TULP4: variants seen among roughly 807,000 people sequenced by gnomAD.
TULP4 encodes tubby-related protein 4.
A neutral mutation model predicts 129.0 loss-of-function variants in TULP4; 16 were observed. The observed-to-expected ratio is 0.12, with a 90% CI of 0.08 to 0.19. The LOEUF (loss-of-function observed/expected upper bound fraction) is 0.19, where lower values mean the gene tolerates loss of function less well. Ranked by LOEUF, TULP4 falls within the 10% of genes least tolerant of loss-of-function variation. The pLI is 1.00. For synonymous variants in TULP4, 998 were observed against 854.0 expected (o/e 1.17, Z -2.94); for missense variants, 1,842 against 2,059.1 (o/e 0.89, Z 2.04).
upstream of TULP4, among the ~76,000 whole-genome samples, chr6:158,278,204 G>T (rs940360462): frequency 6.6e-6 from 1 of 152,192 alleles, no homozygotes; most frequent in African/African-American, 2.4e-5. Flanking sequence ...AAAGTGTAAG[G>T]TCTGTGTTTT....
Position 158,413,183 on chromosome 6 carries a change from G to A in TULP4, c.371G>A (p.Arg124His). 6 of 1,612,346 alleles carry A rather than the reference G, an allele frequency of 3.7e-6. No homozygotes were observed. The highest frequency in any genetic ancestry group is 2.2e-5 in the East Asian group (1 of 44,854). ...TGGTCTGTGGAGCTGGTCAACGACC[G>A]CGGGGCGCAGGTGAGTGGCAGGCGC... ...GRWSVELVNDRGAQVSDFTWS... is the reference protein window; with the variant it reads ...GRWSVELVNDHGAQVSDFTWS... The change falls in exon 2 of 14, where the codon CGC becomes CAC. Residue 124 changes from arginine (R) to histidine (H), a missense_variant. Transcript: ENST00000367097. The surrounding 1 kb of genome is among the most constrained non-coding windows in gnomAD (Gnocchi z 4.9).
intron 1 of TULP4, among the ~76,000 whole-genome samples, chr6:158,409,366 T>G (rs1483457409): frequency 6.6e-6 from 1 of 152,226 alleles, no homozygotes; most frequent in Non-Finnish European, 1.5e-5. Context: ...AACTAACCCT[T>G]TCCTCTGACT....
rs1281913146 is a variant in TULP4 at position 158,240,366 on chromosome 6, C to T, written n.68+8063C>T. 1.8e-3 allele frequency among the ~76,000 whole-genome samples: 132 copies of T among 73,546 alleles called. 2 individuals are homozygous for T. Among genetic ancestry groups the T allele is most frequent in the Non-Finnish European group, 2.4e-3 (80 of 33,006 alleles). 48.2% of individuals were successfully genotyped at this position (73,546 alleles called of 152,430 possible). A position where few individuals can be genotyped will look rare whatever the true frequency, so the allele number is the denominator to read the frequency against. On this transcript the variant is annotated intron_variant and non_coding_transcript_variant, in intron 1 of 1. Coordinates refer to the TULP4 transcript ENST00000620026. ...GGGGCTGACTCCCCCACCTCCCTCC[C>T]GGACCGGGCGGCTGGCCGGGCAGAG...
At chr6:158,461,872 A>G in intron 6 of TULP4, 143 bp downstream of exon 6, 1 of 990,628 alleles carries the variant, frequency 1.0e-6, no homozygotes, top group East Asian at 2.7e-5. Flanking sequence ...GGGAGAAAGC[A>G]GTTTTTGCCT....
Position 158,502,396 on chromosome 6 carries a change from G to A in TULP4, c.2733G>A (p.Gln911=). Residue 911 remains glutamine (Q), a synonymous_variant, in exon 13 of 14, where the codon CAG becomes CAA. Coordinates refer to ENST00000367097, the MANE Select transcript of TULP4 (RefSeq NM_020245.5). ...CRPRTRMLCS[Q]NTYTLPGPGS... is the part of the protein sequence containing the mutation. ...CCCGCACCCGGATGCTGTGCTCCCA[G>A]AACACGTACACCCTCCCCGGCCCGG... is the stretch of plus-strand genomic sequence containing the variant. 1.2e-6 allele frequency: 2 copies of A among 1,613,750 alleles called. No individual in the cohort carries two copies. The highest frequency in any genetic ancestry group is 2.2e-5 in the South Asian group (2 of 91,062).
chr6:158,362,213 A>G (rs1397779454), intron 1 of TULP4, among the ~76,000 whole-genome samples: 1 of 152,170 alleles, frequency 6.6e-6, no homozygotes, highest in Non-Finnish European at 1.5e-5. Flanking sequence ...CTATCTTCCA[A>G]TATATCCTGC....
rs756902862 is a variant in TULP4, at chr6:158,313,537, A to T, written c.-480A>T. 19 of 401,502 alleles carry T rather than the reference A, an allele frequency of 4.7e-5. No homozygotes were observed. The highest frequency in any genetic ancestry group is 7.5e-5 in the Non-Finnish European group (17 of 228,050). The allele number at this position is 401,502 out of a possible 1,614,324, so 24.9% of individuals were successfully genotyped here. On this transcript the variant is annotated 5_prime_UTR_variant, in exon 1 of 14. Transcript: ENST00000367097. ...CTGCATCCGAACTTTTGAAGAGAAAAATTCGAGCTAGAGGGATTCTTAAAG... is the reference window on the plus strand; with the variant it reads ...CTGCATCCGAACTTTTGAAGAGAAATATTCGAGCTAGAGGGATTCTTAAAG...
At chr6:158,438,550 C>A (rs1454884793) in intron 3 of TULP4, among the ~76,000 whole-genome samples, 1 of 150,282 alleles carries the variant, frequency 6.7e-6, no homozygotes, top group Non-Finnish European at 1.5e-5. Context: ...TTTGCTTTCT[C>A]AGCTAAAAAC....
At chr6:158,258,354 C>T (rs1778287741) in intron 1 of TULP4, among the ~76,000 whole-genome samples, 2 of 152,210 alleles carry the variant, frequency 1.3e-5, no homozygotes, top group Admixed American at 1.3e-4. Flanking sequence ...GCAGTCTCTG[C>T]TGTTTGGTCC....
intron 1 of TULP4, among the ~76,000 whole-genome samples, chr6:158,290,489 C>CT (rs1778918249): frequency 6.6e-6 from 1 of 152,096 alleles, no homozygotes; most frequent in African/African-American, 2.4e-5. Flanking sequence ...TGATTGTTTC[C>CT]TTTGCTGTGC....
intron 1 of TULP4, among the ~76,000 whole-genome samples, chr6:158,321,610 G>A (rs1779635018): frequency 6.6e-6 from 1 of 152,104 alleles, no homozygotes; most frequent in African/African-American, 2.4e-5. Flanking sequence ...CAGCCAGTCA[G>A]TTCAGCTCTC....
upstream of TULP4, among the ~76,000 whole-genome samples, chr6:158,308,987 C>A (rs1225426874): frequency 7.1e-6 from 1 of 140,446 alleles, no homozygotes; most frequent in Non-Finnish European, 1.5e-5. Context: ...AGGGGGCTGA[C>A]CCCCCCACCT....
At chr6:158,324,845 T>C (rs1287523293) in intron 1 of TULP4, among the ~76,000 whole-genome samples, 1 of 152,178 alleles carries the variant, frequency 6.6e-6, no homozygotes, top group Non-Finnish European at 1.5e-5. Flanking sequence ...CTGTGTGTTT[T>C]TCTATCTATA....
At chr6:158,444,051 C>G (rs560303868) in intron 3 of TULP4, among the ~76,000 whole-genome samples, 2 of 150,688 alleles carry the variant, frequency 1.3e-5, no homozygotes, top group African/African-American at 2.4e-5. Context: ...AACCCCGTCT[C>G]TACTAAAAAA....
At chr6:158,289,435 C>G (rs958703883) in intron 1 of TULP4, among the ~76,000 whole-genome samples, 1 of 151,604 alleles carries the variant, frequency 6.6e-6, no homozygotes, top group Non-Finnish European at 1.5e-5. Context: ...TTCCTTTACT[C>G]TCTTTTGGTT....
chr6:158,478,216 T>C (rs528300213), intron 6 of TULP4, among the ~76,000 whole-genome samples: 7 of 152,304 alleles, frequency 4.6e-5, no homozygotes, highest in African/African-American at 1.7e-4. Context: ...TTTACCTATA[T>C]AACCTGCTTG....
chr6:158,243,846 A>G (rs1045440239), intron 1 of TULP4, among the ~76,000 whole-genome samples: 1 of 85,748 alleles, frequency 1.2e-5, no homozygotes, highest in Non-Finnish European at 2.3e-5. Context: ...TAGCTGAAAT[A>G]GGTGTGTGTG....
At chr6:158,424,500 T>G (rs1327318879) in intron 2 of TULP4, among the ~76,000 whole-genome samples, 1 of 152,162 alleles carries the variant, frequency 6.6e-6, no homozygotes, top group African/African-American at 2.4e-5. Context: ...TCTGCCTGCC[T>G]TGGCCTCCCA....
intron 12 of TULP4, among the ~76,000 whole-genome samples, chr6:158,499,152 C>T (rs1019239456): frequency 6.6e-6 from 1 of 152,164 alleles, no homozygotes; most frequent in Non-Finnish European, 1.5e-5. Context: ...CTGATTGGGA[C>T]TAAATAAAAT....
Sources: gnomAD v4.1 joint callset for allele counts (sites outside exome capture counted in the v4.1 genomes callset) on GRCh38, gnomAD v4.1.1 for gene constraint, Gnocchi (gnomAD v3.1) non-coding constraint, MANE v1.5 for transcripts, NCBI Gene and HGNC (gene_info 2026-07-23, HGNC 2026-07-21) for gene names.